Variants in POMK observed in about 807,000 individuals in gnomAD.
POMK encodes protein O-mannose kinase.
Under a neutral mutation model 23.0 loss-of-function variants are expected in POMK, and 19 were observed. The observed-to-expected ratio is 0.83, with a 90% CI of 0.58 to 1.21. The LOEUF (loss-of-function observed/expected upper bound fraction) is 1.21. POMK is among the 50% of genes most tolerant of loss of function. The pLI, the probability that POMK is intolerant of heterozygous loss-of-function variation, is 0.00. For synonymous variants in POMK, 173 were observed against 171.6 expected (o/e 1.01, Z -0.06); for missense variants, 410 against 431.3 (o/e 0.95, Z 0.44).
chr8:43,111,738 T>C (rs1811672397), intron 4 of POMK, among the ~76,000 whole-genome samples: 1 of 152,116 alleles, frequency 6.6e-6, no homozygotes, highest in Admixed American at 6.5e-5. Flanking sequence ...AGAGGAACGA[T>C]CGGGCAGCAG....
chr8:43,100,559 A>G (rs1811418421), intron 2 of POMK, among the ~76,000 whole-genome samples: 1 of 151,312 alleles, frequency 6.6e-6, no homozygotes, highest in Non-Finnish European at 1.5e-5. Flanking sequence ...TGGGGTGCTT[A>G]TGGAGGGGAG....
chr8:43,099,498 G>A (rs1307440423), intron 2 of POMK, among the ~76,000 whole-genome samples: 1 of 152,254 alleles, frequency 6.6e-6, no homozygotes, highest in African/African-American at 2.4e-5. Context: ...TCAGAGATGA[G>A]GAGCTGCCAG....
intron 1 of POMK, among the ~76,000 whole-genome samples, chr8:43,095,651 T>C (rs1006439619): frequency 6.6e-6 from 1 of 152,192 alleles, no homozygotes; most frequent in Non-Finnish European, 1.5e-5. Flanking sequence ...GGGTTTATGA[T>C]GAAGCCTCTA....
intron 4 of POMK, among the ~76,000 whole-genome samples, chr8:43,121,041 C>G (rs1441995116): frequency 6.6e-6 from 1 of 152,200 alleles, no homozygotes; most frequent in Non-Finnish European, 1.5e-5. Flanking sequence ...TCATGCTGCT[C>G]CCATCTTTTG....
At chr8:43,111,441 A>C (rs1811661469) in intron 4 of POMK, among the ~76,000 whole-genome samples, 1 of 152,222 alleles carries the variant, frequency 6.6e-6, no homozygotes, top group Non-Finnish European at 1.5e-5. Context: ...AACTGGGTGG[A>C]GCCCACCACA....
chr8:43,103,735 G>A lies in POMK; in HGVS notation c.187G>A (p.Gly63Arg). The A allele has an allele frequency of 6.2e-7, 1 of 1,614,232 alleles. No homozygotes were observed. Among genetic ancestry groups the A allele is most frequent in the Non-Finnish European group, 8.5e-7 (1 of 1,180,040 alleles). ...THCPYGHFRI[G>R]QMKNCSPWLS... ...CTGTCCCTATGGTCACTTCAGGATA[G>A]GACAGATGAAAAACTGCTCACCTTG... The change falls in exon 4 of 5, where the codon GGA becomes AGA. Residue 63 changes from glycine to arginine, a missense_variant. By Grantham distance (125) the Gly-to-Arg change is moderately radical. Coordinates refer to ENST00000331373, the MANE Select transcript of POMK (RefSeq NM_032237.5).
intron 2 of POMK, among the ~76,000 whole-genome samples, chr8:43,101,259 CAA>C (rs1326893795): frequency 6.7e-6 from 1 of 149,380 alleles, no homozygotes; most frequent in African/African-American, 2.5e-5. Flanking sequence ...CCAGTCTCTA[CAA>C]AAAAAAATAC....
At chr8:43,101,021 G>A (rs1292677601) in intron 2 of POMK, among the ~76,000 whole-genome samples, 3 of 152,116 alleles carry the variant, frequency 2.0e-5, no homozygotes, top group East Asian at 1.9e-4. Flanking sequence ...GCTCAAGAGC[G>A]CCAGAACAGT....
chr8:43,096,020 C>T (rs1811328355), intron 1 of POMK, among the ~76,000 whole-genome samples: 1 of 151,940 alleles, frequency 6.6e-6, no homozygotes, highest in South Asian at 2.1e-4. Context: ...GGAAAGCAGC[C>T]TGTGCGGCTG....
At chr8:43,093,832 C>G (rs535614549) in intron 1 of POMK, among the ~76,000 whole-genome samples, 2 of 152,390 alleles carry the variant, frequency 1.3e-5, no homozygotes, top group East Asian at 3.9e-4. Context: ...AGCCTGTAAT[C>G]CCAGCGCTTT....
At position 43,122,429 on chromosome 8, in the gene POMK, T is replaced by C. The variant is rs764973455; in HGVS notation, c.605T>C (p.Met202Thr). 2.5e-6 allele frequency: 4 copies of C among 1,614,076 alleles called. No individual in the cohort carries two copies. Among genetic ancestry groups the C allele is most frequent in the African/African-American group, 2.7e-5 (2 of 74,936 alleles). ...LHHSPVGTRV[M>T]CDSNDLPKTL... ...CACAGCCCTGTGGGCACACGGGTCA[T>C]GTGCGACTCCAACGACCTGCCGAAG... The change falls in exon 5 of 5, where the codon ATG (methionine) becomes ACG (threonine). Residue 202 changes from methionine (M) to threonine (T), a missense_variant. Coordinates refer to ENST00000331373, the MANE Select transcript of POMK (RefSeq NM_032237.5).
chr8:43,122,313 A>C lies in POMK; in HGVS notation c.489A>C (p.Thr163=), dbSNP rs1465882840. 55 of 1,614,026 alleles carry C rather than the reference A, an allele frequency of 3.4e-5. No homozygotes were observed. In the East Asian group the frequency reaches 1.2e-3, roughly 35 times the overall value. The stretch of plus-strand genomic sequence containing the variant: ...GTTCCTTGAGTAACCTGGAAGAAAC[A>C]CTAAACCTTTCAAAGTACCAAAATG... ...PLGSLSNLEE[T]LNLSKYQNVN... is the part of the protein sequence containing the mutation. The change falls in exon 5 of 5, where the codon ACA becomes ACC. Residue 163 remains threonine (T), a synonymous_variant. Transcript: ENST00000331373.
chr8:43,123,189 T>A lies in POMK; in HGVS notation c.*312T>A, dbSNP rs1811960870. 4.3e-6 allele frequency: 1 copy of A among 231,908 alleles called. No individual in the cohort carries two copies. Among genetic ancestry groups the A allele is most frequent in the Non-Finnish European group, 8.5e-6 (1 of 117,982 alleles). The allele number at this position is 231,908 out of a possible 1,614,324, so 14.4% of individuals were successfully genotyped here. A position where few individuals can be genotyped will look rare whatever the true frequency, so the allele number is the denominator to read the frequency against. On this transcript the variant is annotated 3_prime_UTR_variant, in exon 5 of 5. Coordinates refer to ENST00000331373, the MANE Select transcript of POMK (RefSeq NM_032237.5). ...CTCCCACCTCAGCCTCCTGAGTAGC[T>A]GGGATTACAGGCACACCACCACGCC...
intron 4 of POMK, among the ~76,000 whole-genome samples, chr8:43,115,318 G>C (rs1356790117): frequency 3.3e-5 from 5 of 152,130 alleles, no homozygotes; most frequent in Non-Finnish European, 7.3e-5. Context: ...TCTGTGCAGA[G>C]ACTGCTTCCC....
At chr8:43,114,791 A>T (rs1563340773) in intron 4 of POMK, among the ~76,000 whole-genome samples, 1 of 152,140 alleles carries the variant, frequency 6.6e-6, no homozygotes, top group African/African-American at 2.4e-5. Flanking sequence ...CCAAGATTAC[A>T]TTAAAAGAAC....
intron 4 of POMK, among the ~76,000 whole-genome samples, chr8:43,106,499 T>A (rs1015898687): frequency 2.0e-5 from 3 of 151,488 alleles, no homozygotes; most frequent in Non-Finnish European, 4.4e-5. Flanking sequence ...ATCCCATTGG[T>A]TTACTTTTGC....
intron 4 of POMK, among the ~76,000 whole-genome samples, chr8:43,112,076 T>C (rs1045325991): frequency 2.6e-5 from 4 of 151,692 alleles, no homozygotes; most frequent in Non-Finnish European, 4.4e-5. Context: ...AGAATGACTT[T>C]GATGAGTTGA....
At chr8:43,108,282 A>G (rs898381337) in intron 4 of POMK, among the ~76,000 whole-genome samples, 1 of 152,360 alleles carries the variant, frequency 6.6e-6, no homozygotes, top group South Asian at 2.1e-4. Flanking sequence ...GTACAAGTCA[A>G]GGTTGATTCC....
At position 43,103,632 on chromosome 8, in the gene POMK, C is replaced by G. The variant is rs994940963; in HGVS notation, c.84C>G (p.Ala28=). The G allele has an allele frequency of 9.3e-6, 15 of 1,613,922 alleles. No individual in the cohort carries two copies. The highest frequency in any genetic ancestry group is 1.2e-5 in the Non-Finnish European group (14 of 1,180,028). The stretch of plus-strand genomic sequence containing the variant: ...CTGTTGGGCTGCTGCTGATCATGGC[C>G]CTGATGAATACTCTGCTCTACCTCT... ...PPAVGLLLIM[A]LMNTLLYLCL... The change falls in exon 4 of 5, where the codon GCC becomes GCG. Residue 28 remains alanine, a synonymous_variant. Coordinates refer to ENST00000331373, the MANE Select transcript of POMK (RefSeq NM_032237.5).
Sources: allele counts gnomAD v4.1 joint callset (sites outside exome capture counted in the v4.1 genomes callset), GRCh38; gene constraint gnomAD v4.1.1; transcripts MANE v1.5; gene names NCBI Gene and HGNC (gene_info 2026-07-23, HGNC 2026-07-21).